COPS3: variants seen among roughly 807,000 people sequenced by gnomAD.
The protein encoded by COPS3 is COP9 signalosome subunit 3.
Under a neutral mutation model 58.2 loss-of-function variants are expected in COPS3, and 10 were observed. The ratio of observed to expected loss-of-function variants is 0.17; its 90% confidence interval spans 0.11 to 0.29. COPS3 has a LOEUF of 0.29. COPS3 is among the 10% of genes least tolerant of loss of function. COPS3 has a pLI of 1.00. For synonymous variants in COPS3, 187 were observed against 181.7 expected (o/e 1.03, Z -0.24); for missense variants, 333 against 510.1 (o/e 0.65, Z 3.34).
chr17:17,274,426 C>CT (rs71152859), intron 2 of COPS3, among the ~76,000 whole-genome samples: 89,842 of 141,320 alleles, frequency 0.64, 28,315 homozygotes, highest in East Asian at 0.84. Context: ...ATTAGCTTTT[C>CT]TTTTTTTTTT....
chr17:17,271,181 G>A (rs1567860125), intron 2 of COPS3, among the ~76,000 whole-genome samples, 173 bp from the exon 3 acceptor site: 1 of 152,186 alleles, frequency 6.6e-6, no homozygotes, highest in Non-Finnish European at 1.5e-5. Context: ...CGTAATCCAA[G>A]CACTTTGGGA....
intron 9 of COPS3, among the ~76,000 whole-genome samples, chr17:17,251,420 A>G (rs1213970703): frequency 6.6e-6 from 1 of 151,744 alleles, no homozygotes; most frequent in Non-Finnish European, 1.5e-5. Flanking sequence ...TCAGCCTCCC[A>G]AGTAGCTGGG....
intron 2 of COPS3, among the ~76,000 whole-genome samples, chr17:17,275,289 G>A (rs527940571): frequency 2.9e-4 from 44 of 152,064 alleles, no homozygotes; most frequent in African/African-American, 1.1e-3. Context: ...GGTTTCACCA[G>A]TTGGCCAGGC....
intron 5 of COPS3, among the ~76,000 whole-genome samples, chr17:17,266,407 T>C (rs2048221969): frequency 6.6e-6 from 1 of 152,236 alleles, no homozygotes; most frequent in Non-Finnish European, 1.5e-5. Context: ...TAGTTTCCTT[T>C]GTAGAGAAGA....
chr17:17,250,859 T>C (rs2047828104), intron 9 of COPS3, among the ~76,000 whole-genome samples: 1 of 152,220 alleles, frequency 6.6e-6, no homozygotes, highest in African/African-American at 2.4e-5. Flanking sequence ...TGCATAGTTC[T>C]CTATGTGATC....
chr17:17,248,710 A>AC (rs1191519362), intron 10 of COPS3, among the ~76,000 whole-genome samples: 1 of 152,064 alleles, frequency 6.6e-6, no homozygotes, highest in Non-Finnish European at 1.5e-5. Flanking sequence ...AAGGTGGAGG[A>AC]CAGTGGCACA....
chr17:17,279,765 TTC>T (rs1463107717), intron 1 of COPS3, among the ~76,000 whole-genome samples: 1 of 152,188 alleles, frequency 6.6e-6, no homozygotes, highest in Non-Finnish European at 1.5e-5. Context: ...TTTACATGGT[TTC>T]TCTCATTGAA....
rs964232490 is a variant in COPS3, at chr17:17,261,756, G to A, written c.762+210C>T. 2.4e-5 allele frequency: 12 copies of A among 498,322 alleles called. No homozygotes were observed. The Admixed American group carries it at 2.9e-4, about 12-fold the overall frequency. The allele number at this position is 498,322 out of a possible 1,614,324, so 30.9% of individuals were successfully genotyped here. On this transcript the variant is annotated intron_variant, in intron 7 of 11. Coordinates refer to ENST00000268717, the MANE Select transcript of COPS3 (RefSeq NM_003653.4). ...AAACATCTATAGCTGTAAGTATCTA[G>A]AGCACAAGTTTGAAAACGGGTTCCT...
intron 9 of COPS3, among the ~76,000 whole-genome samples, chr17:17,250,041 C>A (rs1290183089): frequency 6.6e-6 from 1 of 152,154 alleles, no homozygotes; most frequent in East Asian, 1.9e-4. Flanking sequence ...AGGCCCTAGG[C>A]CCATTAGCAG....
At position 17,281,211 on chromosome 17, in the gene COPS3, G is replaced by GC; in HGVS notation, c.-26dup. 1 of 1,603,624 alleles carries GC rather than the reference G, an allele frequency of 6.2e-7. No individual in the cohort carries two copies. Among genetic ancestry groups the GC allele is most frequent in the Non-Finnish European group, 8.5e-7 (1 of 1,175,398 alleles). On this transcript the variant is annotated 5_prime_UTR_variant, in exon 1 of 12. Coordinates refer to ENST00000268717, the MANE Select transcript of COPS3 (RefSeq NM_003653.4). ...TGTTTTCCCCCGGGCGGCCCGAGCG[G>GC]CGAAGGCAGCACGCGCGGGAAAAGG...
intron 9 of COPS3, among the ~76,000 whole-genome samples, chr17:17,254,143 A>G (rs1350707400): frequency 6.6e-6 from 1 of 151,966 alleles, no homozygotes; most frequent in Non-Finnish European, 1.5e-5. Flanking sequence ...TCTCTTCAAA[A>G]AAATACAAAA....
chr17:17,276,007 C>A, intron 2 of COPS3, 28 bp downstream of exon 2: 1 of 1,606,888 alleles, frequency 6.2e-7, no homozygotes, highest in Non-Finnish European at 8.5e-7. Flanking sequence ...TTAACAAGCA[C>A]AGAACTATAA....
intron 2 of COPS3, among the ~76,000 whole-genome samples, chr17:17,275,112 A>G (rs1250502503): frequency 2.4e-5 from 3 of 127,080 alleles, no homozygotes; most frequent in Non-Finnish European, 5.1e-5. Context: ...TTTTTTTTTG[A>G]GAGAGTCTCC....
intron 1 of COPS3, chr17:17,280,596 C>T: frequency 7.7e-7 from 1 of 1,301,976 alleles, no homozygotes; most frequent in Non-Finnish European, 1.0e-6. Context: ...CCGCAGCATT[C>T]TGTAGGACCA....
At chr17:17,280,318 G>A (rs543174975) in intron 1 of COPS3, among the ~76,000 whole-genome samples, 2 of 152,088 alleles carry the variant, frequency 1.3e-5, no homozygotes, top group East Asian at 1.9e-4. Flanking sequence ...CAGGAGAATC[G>A]CTTGAACCTC....
In COPS3 at chr17:17,250,420, A is replaced by G. The variant is rs920933812; in HGVS notation, c.1024-1381T>C. On this transcript the variant is annotated intron_variant, in intron 9 of 11. Coordinates refer to ENST00000268717, the MANE Select transcript of COPS3 (RefSeq NM_003653.4). Reference sequence around the variant, plus strand: ...CAGGTATGTGCCACGATGCCCAGCTAATTTTTTTTATTTTTAGTAGAGATG... The same window carrying G: ...CAGGTATGTGCCACGATGCCCAGCTGATTTTTTTTATTTTTAGTAGAGATG... 2.0e-5 allele frequency among the ~76,000 whole-genome samples: 3 copies of G among 151,962 alleles called. No individual in the cohort carries two copies. The South Asian group carries it at 6.2e-4, about 32-fold the overall frequency.
At chr17:17,255,894 G>A (rs1358735751) in intron 8 of COPS3, among the ~76,000 whole-genome samples, 1 of 129,304 alleles carries the variant, frequency 7.7e-6, no homozygotes, top group Admixed American at 7.8e-5. Flanking sequence ...GATAGGCTGG[G>A]CACGGTGGCT....
At chr17:17,269,437 A>G (rs1377578096) in intron 4 of COPS3, among the ~76,000 whole-genome samples, 2 of 151,934 alleles carry the variant, frequency 1.3e-5, no homozygotes, top group African/African-American at 4.8e-5. Context: ...AAAACAAAAC[A>G]AAACAAAAAT....
intron 1 of COPS3, chr17:17,280,783 C>A (rs1029830): frequency 0.5 from 624,914 of 1,256,226 alleles, 157,570 homozygotes; most frequent in East Asian, 0.62. Flanking sequence ...TCACCGAAGG[C>A]AAGAGAGACA....
Sources: gnomAD v4.1 joint callset for allele counts (sites outside exome capture counted in the v4.1 genomes callset) on GRCh38, gnomAD v4.1.1 for gene constraint, MANE v1.5 for transcripts, NCBI Gene and HGNC (gene_info 2026-07-23, HGNC 2026-07-21) for gene names.